The following GRM1 variants were observed in gnomAD, a reference collection of about 807,000 sequenced individuals.
GRM1 encodes metabotropic glutamate receptor 1.
A neutral mutation model predicts 90.9 loss-of-function variants in GRM1; 33 were observed. The observed-to-expected ratio is 0.36, with a 90% CI of 0.28 to 0.49. GRM1 has a LOEUF of 0.49. Ranked by LOEUF, GRM1 falls within the 20% of genes least tolerant of loss-of-function variation. The pLI is 0.99. For synonymous variants in GRM1, 700 were observed against 613.2 expected (o/e 1.14, Z -2.09); for missense variants, 1,190 against 1,534.3 (o/e 0.78, Z 3.75).
At chr6:146,390,649 G>T (rs762577322) in intron 6 of GRM1, among the ~76,000 whole-genome samples, 1 of 147,114 alleles carries the variant, frequency 6.8e-6, no homozygotes, top group African/African-American at 2.5e-5. Context: ...TTTCCATTCC[G>T]ACAGTTGTTG....
chr6:146,357,868 GA>G (rs1261802361), intron 5 of GRM1, among the ~76,000 whole-genome samples, 174 bp downstream of exon 5: 4 of 152,210 alleles, frequency 2.6e-5, no homozygotes, highest in Non-Finnish European at 5.9e-5. Flanking sequence ...TTAGGAAACA[GA>G]GTGAGTAAAC....
chr6:146,353,429 C>T (rs1025843647), intron 4 of GRM1, among the ~76,000 whole-genome samples: 1 of 152,162 alleles, frequency 6.6e-6, no homozygotes, highest in Non-Finnish European at 1.5e-5. Flanking sequence ...AACATCAAAT[C>T]ATTTAATCTT....
At chr6:146,289,588 G>C (rs1156377686) in intron 2 of GRM1, among the ~76,000 whole-genome samples, 3 of 152,156 alleles carry the variant, frequency 2.0e-5, no homozygotes, top group Non-Finnish European at 4.4e-5. Flanking sequence ...GTAGAGTAAT[G>C]TACTAGGCCT....
intron 1 of GRM1, among the ~76,000 whole-genome samples, chr6:146,156,635 C>G (rs181592234): frequency 4.6e-5 from 7 of 152,298 alleles, no homozygotes; most frequent in Non-Finnish European, 8.8e-5. Context: ...CTCTTTCCTA[C>G]TGTTCTTCCC....
chr6:146,426,517 AC>A, intron 7 of GRM1: 1 of 1,578,108 alleles, frequency 6.3e-7, no homozygotes, highest in Non-Finnish European at 8.6e-7. Context: ...CACATGTATA[AC>A]CCCCTCGCTC....
chr6:146,201,027 A>C (rs1779282486), intron 2 of GRM1, among the ~76,000 whole-genome samples: 1 of 152,158 alleles, frequency 6.6e-6, no homozygotes, highest in Non-Finnish European at 1.5e-5. Flanking sequence ...CTGTGTTCCC[A>C]CCAGAGATCT....
intron 2 of GRM1, among the ~76,000 whole-genome samples, chr6:146,207,676 C>T (rs1334890938): frequency 6.6e-6 from 1 of 152,124 alleles, no homozygotes; most frequent in Non-Finnish European, 1.5e-5. Context: ...CACCCAAACC[C>T]CATCTTTTAA....
chr6:146,046,265 T>C (rs559255155), intron 1 of GRM1, among the ~76,000 whole-genome samples: 6 of 152,148 alleles, frequency 3.9e-5, no homozygotes, highest in African/African-American at 1.4e-4. Context: ...TAATTCCTCC[T>C]AGCCTCTACA....
At chr6:146,144,915 A>G (rs1214689901) in intron 1 of GRM1, among the ~76,000 whole-genome samples, 1 of 152,238 alleles carries the variant, frequency 6.6e-6, no homozygotes, top group Non-Finnish European at 1.5e-5. Flanking sequence ...GAAACTGAAG[A>G]AAAAAGTATA....
intron 1 of GRM1, among the ~76,000 whole-genome samples, chr6:146,090,547 T>C (rs549150641): frequency 4.7e-4 from 71 of 152,214 alleles, no homozygotes; most frequent in African/African-American, 1.6e-3. Context: ...TTAGCCTTTA[T>C]TGGAGCAAAA....
At chr6:146,300,262 TA>T (rs896855643) in intron 2 of GRM1, among the ~76,000 whole-genome samples, 1 of 152,222 alleles carries the variant, frequency 6.6e-6, no homozygotes, top group Non-Finnish European at 1.5e-5. Flanking sequence ...TTTGCACATT[TA>T]AAAAATACTA....
intron 2 of GRM1, among the ~76,000 whole-genome samples, chr6:146,298,031 G>A (rs572060582): frequency 2.0e-5 from 3 of 152,202 alleles, no homozygotes; most frequent in South Asian, 2.1e-4. Context: ...TTTAGTCATT[G>A]CAATGACACT....
intron 5 of GRM1, among the ~76,000 whole-genome samples, chr6:146,377,764 A>C (rs1776161824): frequency 6.6e-6 from 1 of 152,140 alleles, no homozygotes; most frequent in African/African-American, 2.4e-5. Context: ...CCAGAGGCCT[A>C]GGAGGAAAAA....
intron 2 of GRM1, among the ~76,000 whole-genome samples, chr6:146,231,671 CTTTG>C (rs1391826531): frequency 2.6e-5 from 4 of 151,918 alleles, no homozygotes; most frequent in South Asian, 2.1e-4. Flanking sequence ...ATCATCATAT[CTTTG>C]TTTGTTTTCT....
Position 146,398,932 on chromosome 6 carries a change from C to T in GRM1, c.1893C>T (p.Cys631=). The T allele has an allele frequency of 6.2e-7, 1 of 1,614,116 alleles. No homozygotes were observed. The highest frequency in any genetic ancestry group is 1.3e-5 in the African/African-American group (1 of 75,032). ...PVVKSSSREL[C]YIILAGIFLG... is the part of the protein sequence containing the mutation. Reference sequence around the variant, plus strand: ...TCAAATCCTCCAGTCGGGAGCTCTGCTACATCATCCTAGCTGGCATCTTCC... The same window carrying T: ...TCAAATCCTCCAGTCGGGAGCTCTGTTACATCATCCTAGCTGGCATCTTCC... The change falls in exon 7 of 8, where the codon TGC becomes TGT. Residue 631 remains cysteine, a synonymous_variant. Transcript: ENST00000282753.
At chr6:146,201,657 G>A (rs923726956) in intron 2 of GRM1, among the ~76,000 whole-genome samples, 3 of 152,198 alleles carry the variant, frequency 2.0e-5, no homozygotes, top group Non-Finnish European at 2.9e-5. Context: ...TATGGCTTTA[G>A]CATAAGAATT....
chr6:146,298,416 GC>G (rs1220698578), intron 2 of GRM1, among the ~76,000 whole-genome samples: 1 of 152,158 alleles, frequency 6.6e-6, no homozygotes, highest in Non-Finnish European at 1.5e-5. Flanking sequence ...ACGAGGCTGA[GC>G]CTATTGGATG....
In GRM1 at chr6:146,434,200, G is replaced by C; in HGVS notation, c.2989G>C (p.Ala997Pro). 1 of 1,611,486 alleles carries C rather than the reference G, an allele frequency of 6.2e-7. No homozygotes were observed. The stretch of plus-strand genomic sequence containing the variant: ...TCCGCCTCTGCCGTCCCACCTGACC[G>C]CAGAGGAGACCCCCCTCTTCCTGGC... ...TTPPLPSHLT[A>P]EETPLFLAEP... The change falls in exon 8 of 8, where the codon GCA becomes CCA. Residue 997 changes from alanine (A) to proline (P), a missense_variant. Ala to Pro is a conservative substitution (Grantham distance 27). This residue lies in a region of GRM1 where 400 missense variants were observed against 360.8 expected (regional missense o/e 1.11). Coordinates refer to ENST00000282753, the MANE Select transcript of GRM1 (RefSeq NM_001278064.2).
At chr6:146,367,740 A>G (rs1775745933) in intron 5 of GRM1, among the ~76,000 whole-genome samples, 1 of 152,160 alleles carries the variant, frequency 6.6e-6, no homozygotes. Context: ...GCTGCAAAGG[A>G]CATGATTTTT....
Sources: gnomAD v4.1 joint callset for allele counts (sites outside exome capture counted in the v4.1 genomes callset) on GRCh38, gnomAD v4.1.1 for gene constraint, gnomAD v4.1.1 regional missense constraint, MANE v1.5 for transcripts, NCBI Gene and HGNC (gene_info 2026-07-23, HGNC 2026-07-21) for gene names.